CAMK4: variants seen among roughly 807,000 people sequenced by gnomAD.
The protein encoded by CAMK4 is calcium/calmodulin dependent protein kinase IV.
In CAMK4, 22 loss-of-function variants were observed where a neutral mutation model predicts 44.9. The observed-to-expected ratio is 0.49, with a 90% confidence interval of 0.35 to 0.70. The LOEUF is 0.70. CAMK4 is among the 30% of genes least tolerant of loss of function. The pLI is 0.01. For synonymous variants in CAMK4, 218 were observed against 215.4 expected (o/e 1.01, Z -0.11); for missense variants, 498 against 586.8 (o/e 0.85, Z 1.56).
intron 5 of CAMK4, among the ~76,000 whole-genome samples, chr5:111,398,597 C>T (rs200747101): frequency 3.9e-5 from 6 of 152,244 alleles, no homozygotes; most frequent in Middle Eastern, 3.4e-3. Context: ...TTCATTTCGG[C>T]GGAAGCCCTA....
chr5:111,392,284 TG>T (rs1479272378), intron 4 of CAMK4, among the ~76,000 whole-genome samples: 2 of 152,040 alleles, frequency 1.3e-5, no homozygotes, highest in African/African-American at 4.8e-5. Context: ...CATCTTCCCA[TG>T]GCAGAGCGGG....
intron 4 of CAMK4, among the ~76,000 whole-genome samples, chr5:111,387,424 A>G (rs947393290): frequency 6.6e-6 from 1 of 152,220 alleles, no homozygotes; most frequent in Non-Finnish European, 1.5e-5. Flanking sequence ...TTTGTCTAAA[A>G]TAAGTTTCTA....
At chr5:111,277,102 CT>C (rs1750795325) in intron 1 of CAMK4, among the ~76,000 whole-genome samples, 1 of 152,150 alleles carries the variant, frequency 6.6e-6, no homozygotes, top group African/African-American at 2.4e-5. Context: ...AAAAAGTTAT[CT>C]TTTACCTAAT....
At position 111,255,577 on chromosome 5, in the gene CAMK4, T is replaced by A. The variant is rs138839352; in HGVS notation, c.161+30933T>A. 6.3e-3 allele frequency among the ~76,000 whole-genome samples: 964 copies of A among 152,270 alleles called. 8 individuals are homozygous for A. Among genetic ancestry groups the A allele is most frequent in the African/African-American group, 0.022 (914 of 41,544 alleles). On this transcript the variant is annotated intron_variant, in intron 1 of 10. Coordinates refer to ENST00000282356, the MANE Select transcript of CAMK4 (RefSeq NM_001744.6). ...AGCCATGATCTAAAGTTCCCTAAGA[T>A]CTTTATTGCTGACTTTTAGAGTCAT...
chr5:111,482,743 T>C lies in CAMK4; in HGVS notation c.829-42T>C. On this transcript the variant is annotated intron_variant, in intron 9 of 10. Transcript: ENST00000282356. This position sits in a 1 kb window ranked among gnomAD's most constrained non-coding sequence, Gnocchi z 4.9. Reference sequence around the variant, plus strand: ...GTAAGCTGAGGGCAAGCCCAGGTCATCCTAAAAACCTCGCTAAGTTTATGG... The same window carrying C: ...GTAAGCTGAGGGCAAGCCCAGGTCACCCTAAAAACCTCGCTAAGTTTATGG... 1 of 1,539,820 alleles carries C rather than the reference T, an allele frequency of 6.5e-7. No homozygotes were observed. The highest frequency in any genetic ancestry group is 8.8e-7 in the Non-Finnish European group (1 of 1,130,942).
intron 5 of CAMK4, among the ~76,000 whole-genome samples, chr5:111,424,117 C>T (rs1753128670): frequency 6.6e-6 from 1 of 152,138 alleles, no homozygotes; most frequent in Non-Finnish European, 1.5e-5. Context: ...CTATATTGGG[C>T]CAAAATCTAG....
chr5:111,420,681 C>T (rs527823473), intron 5 of CAMK4, among the ~76,000 whole-genome samples: 7 of 152,232 alleles, frequency 4.6e-5, no homozygotes, highest in South Asian at 2.1e-4. Context: ...TACCTCTAGG[C>T]GTGTATTCTC....
intron 1 of CAMK4, among the ~76,000 whole-genome samples, chr5:111,339,429 T>A (rs1184587136): frequency 6.6e-6 from 1 of 151,428 alleles, no homozygotes; most frequent in African/African-American, 2.4e-5. Flanking sequence ...GGGTCTTATT[T>A]CATTCTTTTG....
In CAMK4 at chr5:111,489,792, G is replaced by GA. The variant is rs1426127658; in HGVS notation, c.*5331dup. 1 of 152,204 alleles carries GA rather than the reference G, an allele frequency of 6.6e-6. No individual in the cohort carries two copies. Among genetic ancestry groups the GA allele is most frequent in the Non-Finnish European group, 1.5e-5 (1 of 68,042 alleles). The allele number at this position is 152,204 out of a possible 1,614,324, so 9.4% of individuals were successfully genotyped here. On this transcript the variant is annotated 3_prime_UTR_variant, in exon 11 of 11. Transcript: ENST00000282356. ...GGTATATTGTCATTGGTCAGTAATG[G>GA]AAAAATGAGATTCCACCAGTGGGTT...
chr5:111,416,711 G>A (rs1752827932), intron 5 of CAMK4, among the ~76,000 whole-genome samples: 1 of 151,988 alleles, frequency 6.6e-6, no homozygotes, highest in African/African-American at 2.4e-5. Context: ...ACACATAGAA[G>A]GCATTCAAAA....
In CAMK4 at chr5:111,224,688, G is replaced by T. The variant is rs1315903406; in HGVS notation, c.161+44G>T. ...CTGGGGAAGCCCGCGGCGTGCACTGGGGGTTGTCCCTCTCGCAGCGACGGC... is the reference window on the plus strand; with the variant it reads ...CTGGGGAAGCCCGCGGCGTGCACTGTGGGTTGTCCCTCTCGCAGCGACGGC... On this transcript the variant is annotated intron_variant, in intron 1 of 10. Coordinates refer to ENST00000282356, the MANE Select transcript of CAMK4 (RefSeq NM_001744.6). The surrounding 1 kb of genome is among the most constrained non-coding windows in gnomAD (Gnocchi z 5.7). 3 of 1,565,572 alleles carry T rather than the reference G, an allele frequency of 1.9e-6. No homozygotes were observed. Among genetic ancestry groups the T allele is most frequent in the South Asian group, 1.2e-5 (1 of 86,636 alleles).
At chr5:111,283,618 C>G (rs1751112402) in intron 1 of CAMK4, among the ~76,000 whole-genome samples, 2 of 152,170 alleles carry the variant, frequency 1.3e-5, no homozygotes, top group South Asian at 2.1e-4. Context: ...AATCAGAATT[C>G]ATATTCATTT....
intron 3 of CAMK4, 102 bp from the exon 4 acceptor site, chr5:111,376,758 A>G (rs900942707): frequency 1.5e-5 from 9 of 593,500 alleles, no homozygotes; most frequent in South Asian, 1.4e-4. Flanking sequence ...GTGATCCAAC[A>G]TATTACTACT....
At chr5:111,443,154 G>C (rs911641264) in intron 5 of CAMK4, among the ~76,000 whole-genome samples, 6 of 146,702 alleles carry the variant, frequency 4.1e-5, no homozygotes, top group Non-Finnish European at 9.0e-5. Flanking sequence ...AAATTCTATT[G>C]GTCAAAGTTT....
chr5:111,255,847 A>G (rs906778091), intron 1 of CAMK4, among the ~76,000 whole-genome samples: 1 of 152,188 alleles, frequency 6.6e-6, no homozygotes, highest in Non-Finnish European at 1.5e-5. Context: ...TAAAATGCCA[A>G]CTTCTCCCAG....
intron 1 of CAMK4, among the ~76,000 whole-genome samples, chr5:111,261,469 A>G (rs1360752587): frequency 6.6e-6 from 1 of 152,066 alleles, no homozygotes; most frequent in Non-Finnish European, 1.5e-5. Context: ...GGTTTCGAGG[A>G]TAGCCTCATG....
At chr5:111,243,610 C>G (rs1749103090) in intron 1 of CAMK4, among the ~76,000 whole-genome samples, 1 of 152,182 alleles carries the variant, frequency 6.6e-6, no homozygotes, top group African/African-American at 2.4e-5. Context: ...CTAGCCCTAT[C>G]ATGGGAAAGG....
In CAMK4 at chr5:111,342,493, A is replaced by G. The variant is rs537073441; in HGVS notation, c.162-1531A>G. On this transcript the variant is annotated intron_variant, in intron 1 of 10. Coordinates refer to ENST00000282356, the MANE Select transcript of CAMK4 (RefSeq NM_001744.6). The stretch of plus-strand genomic sequence containing the variant: ...TTGCACCAACCTAATGTATCATTTT[A>G]TTTTTTAACCTATTTATGCCTATAT... Among the ~76,000 whole-genome samples, 478 of 151,128 alleles carry G rather than the reference A, an allele frequency of 3.2e-3. 3 individuals carry two copies. The highest frequency in any genetic ancestry group is 0.011 in the African/African-American group (452 of 41,368).
chr5:111,449,831 T>G (rs779052989), intron 7 of CAMK4: 15 of 152,270 alleles, frequency 9.9e-5, no homozygotes, highest in Non-Finnish European at 1.8e-4. Context: ...TCTGTTTTTC[T>G]TGATGGTCAA....
Sources: allele counts gnomAD v4.1 joint callset (sites outside exome capture counted in the v4.1 genomes callset), GRCh38; gene constraint gnomAD v4.1.1; non-coding constraint Gnocchi (gnomAD v3.1); transcripts MANE v1.5; gene names NCBI Gene and HGNC (gene_info 2026-07-23, HGNC 2026-07-21).